Variants in THSD4 observed in about 807,000 individuals in gnomAD.
The protein encoded by THSD4 is thrombospondin type 1 domain containing 4, also known as thrombospondin type-1 domain-containing protein 4.
In THSD4, 69 loss-of-function variants were observed where a neutral mutation model predicts 119.0. The observed-to-expected ratio is 0.58, with a 90% CI of 0.48 to 0.71. THSD4 has a LOEUF of 0.71. THSD4 is among the 30% of genes least tolerant of loss of function. The probability of loss-of-function intolerance (pLI) is 0.00; values close to 1 mark genes in which losing one functional copy is unlikely to be tolerated. For synonymous variants in THSD4, 524 were observed against 540.4 expected (o/e 0.97, Z 0.42); for missense variants, 1,393 against 1,391.1 (o/e 1.00, Z -0.02).
chr15:71,385,936 G>A (rs1249364028), intron 6 of THSD4, among the ~76,000 whole-genome samples: 1 of 152,162 alleles, frequency 6.6e-6, no homozygotes, highest in Admixed American at 6.5e-5. Flanking sequence ...GTAGAACTGT[G>A]TGTTAGTTTA....
intron 2 of THSD4, among the ~76,000 whole-genome samples, chr15:71,154,363 A>C (rs1363572019): frequency 2.0e-5 from 3 of 152,350 alleles, no homozygotes; most frequent in Admixed American, 6.5e-5. Flanking sequence ...GGCTGGAAAG[A>C]GGCAGAGGAA....
At chr15:71,730,775 C>T (rs543473966) in intron 9 of THSD4, 4 of 273,718 alleles carry the variant, frequency 1.5e-5, no homozygotes, top group East Asian at 7.8e-5. Context: ...GCAGTGTACA[C>T]GTATTTATCT....
upstream of THSD4, chr15:71,111,140 C>G (rs2040301227): frequency 5.0e-6 from 8 of 1,602,008 alleles, no homozygotes; most frequent in Non-Finnish European, 6.0e-6. Context: ...TACCAGGTAA[C>G]AAGAACCTTC....
At chr15:71,177,888 C>T (rs2043463026) in intron 3 of THSD4, among the ~76,000 whole-genome samples, 1 of 149,246 alleles carries the variant, frequency 6.7e-6, no homozygotes, top group African/African-American at 2.5e-5. Flanking sequence ...AAGACAAAAA[C>T]CACATGATTA....
chr15:71,386,137 A>G (rs2046290733), intron 6 of THSD4, among the ~76,000 whole-genome samples: 1 of 152,212 alleles, frequency 6.6e-6, no homozygotes, highest in Non-Finnish European at 1.5e-5. Context: ...CGTACAGAAA[A>G]GCAACACCAG....
chr15:71,410,911 G>A (rs2046678352), intron 6 of THSD4, among the ~76,000 whole-genome samples: 1 of 152,136 alleles, frequency 6.6e-6, no homozygotes, highest in Admixed American at 6.6e-5. Context: ...AGCTGGCTGT[G>A]TTGGCAGTTA....
intron 8 of THSD4, among the ~76,000 whole-genome samples, chr15:71,665,155 T>C (rs1192310939): frequency 6.6e-6 from 1 of 152,232 alleles, no homozygotes; most frequent in Non-Finnish European, 1.5e-5. Flanking sequence ...CGCCAGCATC[T>C]GTTCTTTTTT....
chr15:71,273,128 T>C (rs184364262), intron 6 of THSD4, among the ~76,000 whole-genome samples: 8 of 152,292 alleles, frequency 5.3e-5, no homozygotes, highest in African/African-American at 1.9e-4. Context: ...CATGCCAAGA[T>C]ATGGAAACAA....
intron 4 of THSD4, among the ~76,000 whole-genome samples, chr15:71,235,780 G>A (rs543853011): frequency 7.2e-5 from 11 of 152,082 alleles, no homozygotes; most frequent in Admixed American, 2.6e-4. Flanking sequence ...TAGTAGAGAT[G>A]GGGTTTTGCC....
chr15:71,198,102 A>T (rs1275453956), intron 3 of THSD4, among the ~76,000 whole-genome samples: 4 of 152,154 alleles, frequency 2.6e-5, no homozygotes, highest in African/African-American at 9.7e-5. Flanking sequence ...GAAAAATAAA[A>T]ATAAACAAAT....
chr15:71,421,342 T>A, intron 7 of THSD4, among the ~76,000 whole-genome samples: 2 of 45,340 alleles, frequency 4.4e-5, no homozygotes, highest in Non-Finnish European at 5.2e-5. Context: ...GTATTTCTTG[T>A]AGGATAGGGC....
chr15:71,632,289 T>A (rs567393325), intron 7 of THSD4, among the ~76,000 whole-genome samples: 1 of 152,142 alleles, frequency 6.6e-6, no homozygotes, highest in Non-Finnish European at 1.5e-5. Flanking sequence ...ACCCTTGGGG[T>A]TGAAAAGGAG....
chr15:71,379,450 C>CGT (rs1566962165), intron 6 of THSD4, among the ~76,000 whole-genome samples: 2 of 77,562 alleles, frequency 2.6e-5, no homozygotes, highest in Non-Finnish European at 2.4e-5. Flanking sequence ...CAAATGGCTT[C>CGT]TTTTTTTTTT....
At chr15:71,771,976 G>C (rs1051697102) in intron 17 of THSD4, among the ~76,000 whole-genome samples, 2 of 152,100 alleles carry the variant, frequency 1.3e-5, no homozygotes, top group African/African-American at 4.8e-5. Flanking sequence ...GTGTGAGGTG[G>C]GTGAAGATGC....
At chr15:71,740,215 T>C (rs1422329395) in intron 11 of THSD4, among the ~76,000 whole-genome samples, 1 of 152,220 alleles carries the variant, frequency 6.6e-6, no homozygotes, top group Non-Finnish European at 1.5e-5. Context: ...GCATATAAAA[T>C]ATGTCTTGAC....
chr15:71,119,791 A>C (rs2040394097), intron 1 of THSD4, among the ~76,000 whole-genome samples: 1 of 151,928 alleles, frequency 6.6e-6, no homozygotes, highest in Non-Finnish European at 1.5e-5. Flanking sequence ...GGTGAGTTGA[A>C]CCTCCTTTCC....
chr15:71,594,979 A>C (rs555023811), intron 7 of THSD4, among the ~76,000 whole-genome samples: 39 of 152,286 alleles, frequency 2.6e-4, no homozygotes, highest in African/African-American at 8.4e-4. Context: ...TTTACCAGCT[A>C]TCTAGGGGGT....
intron 9 of THSD4, chr15:71,728,938 T>A: frequency 1.7e-6 from 1 of 606,010 alleles, no homozygotes; most frequent in Non-Finnish European, 2.9e-6. Context: ...CTCCACCAGA[T>A]GCTTATTACC....
At chr15:71,564,590 T>G (rs1364701144) in intron 7 of THSD4, among the ~76,000 whole-genome samples, 1 of 150,816 alleles carries the variant, frequency 6.6e-6, no homozygotes, top group Non-Finnish European at 1.5e-5. Flanking sequence ...TTGGATTCTT[T>G]TGGATATTCC....
Sources: allele counts gnomAD v4.1 joint callset (sites outside exome capture counted in the v4.1 genomes callset), GRCh38; gene constraint gnomAD v4.1.1; transcripts MANE v1.5; gene names NCBI Gene and HGNC (gene_info 2026-07-23, HGNC 2026-07-21).